ESRP1: variants seen among roughly 807,000 people sequenced by gnomAD.
The protein encoded by ESRP1 is RNA-binding motif protein 35A.
Under a neutral mutation model 81.7 loss-of-function variants are expected in ESRP1, and 33 were observed. The ratio of observed to expected loss-of-function variants is 0.40; its 90% CI spans 0.31 to 0.54. ESRP1 has a LOEUF of 0.54. Ranked by LOEUF, ESRP1 falls within the 20% of genes least tolerant of loss-of-function variation. ESRP1 has a pLI of 0.41. For missense variants in ESRP1, 672 were observed against 833.1 expected, an observed-to-expected ratio of 0.81 and a Z score of 2.38; for synonymous variants, 320 against 303.3, an observed-to-expected ratio of 1.06 and a Z score of -0.57.
chr8:94,687,673 G>A (rs1231541110), intron 13 of ESRP1, among the ~76,000 whole-genome samples: 1 of 152,104 alleles, frequency 6.6e-6, no homozygotes, highest in Non-Finnish European at 1.5e-5. Context: ...TCCTTAATGA[G>A]CATTGGTTTT....
chr8:94,670,663 A>C (rs1819270509), intron 10 of ESRP1, among the ~76,000 whole-genome samples: 1 of 152,266 alleles, frequency 6.6e-6, no homozygotes, highest in Non-Finnish European at 1.5e-5. Flanking sequence ...CTGAGACAAA[A>C]GTGGACAAGA....
At chr8:94,655,045 T>C (rs1818326645) in intron 4 of ESRP1, among the ~76,000 whole-genome samples, 1 of 144,662 alleles carries the variant, frequency 6.9e-6, no homozygotes, top group African/African-American at 2.6e-5. Context: ...TATCTGTGTC[T>C]GTGAGGTTTT....
intron 4 of ESRP1, among the ~76,000 whole-genome samples, chr8:94,650,189 T>C (rs1448063610): frequency 6.6e-6 from 1 of 152,244 alleles, no homozygotes; most frequent in East Asian, 1.9e-4. Flanking sequence ...AAACGTATAA[T>C]GACATCTATC....
At chr8:94,677,440 C>T (rs1212132993) in intron 12 of ESRP1, among the ~76,000 whole-genome samples, 1 of 152,158 alleles carries the variant, frequency 6.6e-6, no homozygotes, top group Non-Finnish European at 1.5e-5. Flanking sequence ...TGTTTCTAAA[C>T]CTAGAAGATG....
intron 4 of ESRP1, among the ~76,000 whole-genome samples, chr8:94,656,621 T>C (rs1363070632): frequency 1.3e-5 from 2 of 152,272 alleles, no homozygotes; most frequent in Non-Finnish European, 2.9e-5. Flanking sequence ...TTTTTCTTGC[T>C]GTATTTTATC....
chr8:94,706,776 C>A lies in ESRP1; in HGVS notation c.*887C>A, dbSNP rs1429813714. On this transcript the variant is annotated 3_prime_UTR_variant, in exon 16 of 16. Transcript: ENST00000433389. Reference sequence around the variant, plus strand: ...AGTTTTTAATATCCCAGAAGTGAGACAATTTGAACAGTGTATTCTAGAAAA... The same window carrying A: ...AGTTTTTAATATCCCAGAAGTGAGAAAATTTGAACAGTGTATTCTAGAAAA... 1 of 152,300 alleles carries A rather than the reference C, an allele frequency of 6.6e-6. No individual in the cohort carries two copies. The highest frequency in any genetic ancestry group is 2.4e-5 in the African/African-American group (1 of 41,544). The allele number at this position is 152,300 out of a possible 1,614,324, so 9.4% of individuals were successfully genotyped here. A position where few individuals can be genotyped will look rare whatever the true frequency, so the allele number is the denominator to read the frequency against.
chr8:94,664,748 A>C lies in ESRP1; in HGVS notation c.696A>C (p.Leu232Phe). ...ACACCGTAGTCAGGGCACGAGGTTT[A>C]CCATGGCAGTCTTCAGATCAAGATA... ...DDNTVVRARG[L>F]PWQSSDQDIA... Residue 232 changes from leucine to phenylalanine, a missense_variant, in exon 7 of 16, where the codon TTA becomes TTC. Coordinates refer to ENST00000433389, the MANE Select transcript of ESRP1 (RefSeq NM_017697.4). The C allele has an allele frequency of 1.9e-6, 3 of 1,614,022 alleles. No homozygotes were observed. The highest frequency in any genetic ancestry group is 1.3e-5 in the African/African-American group (1 of 75,064).
At chr8:94,679,984 T>C (rs1164270743) in intron 13 of ESRP1, among the ~76,000 whole-genome samples, 1 of 152,208 alleles carries the variant, frequency 6.6e-6, no homozygotes, top group Non-Finnish European at 1.5e-5. Flanking sequence ...TATCTGTACT[T>C]TTAATTTTTC....
In ESRP1 at chr8:94,642,074, C is replaced by G. The variant is rs1250402526; in HGVS notation, c.251C>G (p.Ala84Gly). 3.7e-6 allele frequency: 6 copies of G among 1,611,744 alleles called. No homozygotes were observed. Residue 84 changes from alanine to glycine, a missense_variant, in exon 2 of 16, where the codon GCC (alanine) becomes GGC (glycine). Transcript: ENST00000433389. ...TCCTCGGCGTCGCAGCTGGACCAAG[C>G]CCTCCGACAGGTGACAACCCCGGGT... ...SLSSASQLDQ[A>G]LRQFNQSVSN... is the part of the protein sequence containing the mutation.
chr8:94,664,318 T>C (rs1282271732), intron 6 of ESRP1, among the ~76,000 whole-genome samples: 1 of 152,000 alleles, frequency 6.6e-6, no homozygotes, highest in African/African-American at 2.4e-5. Context: ...GAGACGGGGT[T>C]TTACCATGTT....
At chr8:94,671,916 G>A (rs1563533477) in intron 11 of ESRP1, among the ~76,000 whole-genome samples, 1 of 152,148 alleles carries the variant, frequency 6.6e-6, no homozygotes, top group Non-Finnish European at 1.5e-5. Context: ...AGACTTAACT[G>A]TAAATACAAG....
chr8:94,655,071 G>A (rs879436843), intron 4 of ESRP1, among the ~76,000 whole-genome samples: 1 of 115,576 alleles, frequency 8.7e-6, no homozygotes, highest in Non-Finnish European at 1.8e-5. Context: ...TTTTTTGTGT[G>A]TGTGTGTGTG....
At position 94,641,295 on chromosome 8, in the gene ESRP1, CTCT is replaced by C; in HGVS notation, c.-23_-21del. ...CCACCTTACCGCCTCCCGACCCCCC[CTCT>C]CCCCCTCCCCACCTATCGTCATGAC... On this transcript the variant is annotated 5_prime_UTR_variant, in exon 1 of 16. Coordinates refer to ENST00000433389, the MANE Select transcript of ESRP1 (RefSeq NM_017697.4). 2.5e-6 allele frequency: 4 copies of C among 1,600,100 alleles called. No individual in the cohort carries two copies. Among genetic ancestry groups the C allele is most frequent in the Admixed American group, 3.4e-5 (2 of 59,584 alleles).
intron 1 of ESRP1, 144 bp downstream of exon 1, chr8:94,641,594 T>C: frequency 8.2e-7 from 1 of 1,220,580 alleles, no homozygotes. Context: ...CTAGGGAAGC[T>C]AGAGTAAAAC....
intron 14 of ESRP1, among the ~76,000 whole-genome samples, chr8:94,696,416 T>C (rs1809607264): frequency 6.6e-6 from 1 of 152,224 alleles, no homozygotes; most frequent in African/African-American, 2.4e-5. Flanking sequence ...TAGACTGATA[T>C]TACAAATACA....
chr8:94,663,546 A>G lies in ESRP1; in HGVS notation c.644+991A>G, dbSNP rs1018405483. Among the ~76,000 whole-genome samples, 43 of 152,100 alleles carry G rather than the reference A, an allele frequency of 2.8e-4. 1 individual carries two copies. The highest frequency in any genetic ancestry group is 4.4e-5 in the Non-Finnish European group (3 of 68,038). ...CAGGTGTGAGCCATTGTGCCTGGCT[A>G]TATAGGTTTCTACTTTAAAGCCAAG... On this transcript the variant is annotated intron_variant, in intron 6 of 15. Coordinates refer to ENST00000433389, the MANE Select transcript of ESRP1 (RefSeq NM_017697.4).
chr8:94,695,887 AC>A (rs1264083121), intron 14 of ESRP1, among the ~76,000 whole-genome samples: 1 of 151,966 alleles, frequency 6.6e-6, no homozygotes, highest in Admixed American at 6.6e-5. Context: ...ACATGGTGAA[AC>A]CCTGTCTGTA....
At chr8:94,646,597 A>G (rs35383278) in intron 4 of ESRP1, 80,533 of 172,424 alleles carry the variant, frequency 0.47, 21,258 homozygotes, top group South Asian at 0.69. Context: ...GCAGATTCTA[A>G]GGCCACTTTT....
intron 13 of ESRP1, among the ~76,000 whole-genome samples, chr8:94,682,630 G>A (rs1271849179): frequency 2.1e-5 from 2 of 94,268 alleles, no homozygotes; most frequent in African/African-American, 2.8e-5. Flanking sequence ...GCCTCCCAAT[G>A]TGCTGGGATT....
Sources: gnomAD v4.1 joint callset for allele counts (sites outside exome capture counted in the v4.1 genomes callset) on GRCh38, gnomAD v4.1.1 for gene constraint, MANE v1.5 for transcripts, NCBI Gene and HGNC (gene_info 2026-07-23, HGNC 2026-07-21) for gene names.